The following FBXL17 variants were observed in gnomAD, a reference collection of about 807,000 sequenced individuals.
The protein encoded by FBXL17 is F-box/LRR-repeat protein 17.
A neutral mutation model predicts 66.2 loss-of-function variants in FBXL17; 22 were observed. That is an observed-to-expected ratio of 0.33 (90% confidence interval 0.24 to 0.47). The LOEUF is 0.47. Among genes scored for constraint, FBXL17 ranks in the 20% least tolerant of loss-of-function variants. The probability of loss-of-function intolerance (pLI) is 1.00; values close to 1 mark genes in which losing one functional copy is unlikely to be tolerated. For missense variants in FBXL17, 878 were observed against 948.2 expected, an observed-to-expected ratio of 0.93 and a Z score of 0.97; for synonymous variants, 474 against 400.5, an observed-to-expected ratio of 1.18 and a Z score of -2.19.
chr5:108,191,321 T>C (rs1328523399), intron 5 of FBXL17, among the ~76,000 whole-genome samples: 1 of 152,214 alleles, frequency 6.6e-6, no homozygotes, highest in African/African-American at 2.4e-5. Context: ...TTGCCTTCCT[T>C]CATTGTAATG....
At chr5:108,342,060 G>A (rs115840709) in intron 4 of FBXL17, among the ~76,000 whole-genome samples, 1,601 of 152,072 alleles carry the variant, frequency 0.011, 41 homozygotes, top group African/African-American at 0.036. Context: ...TTAATTCTTC[G>A]ACACCTCTCA....
intron 6 of FBXL17, among the ~76,000 whole-genome samples, chr5:108,096,182 G>A (rs1372762048): frequency 2.6e-5 from 4 of 152,210 alleles, no homozygotes; most frequent in Admixed American, 2.0e-4. Flanking sequence ...CTTTGCATAT[G>A]TACTGAAGTG....
chr5:108,016,940 C>T (rs944684044), intron 7 of FBXL17, among the ~76,000 whole-genome samples: 1 of 151,930 alleles, frequency 6.6e-6, no homozygotes, highest in Non-Finnish European at 1.5e-5. Context: ...TCACCACGCT[C>T]AGCTAATTTT....
intron 7 of FBXL17, among the ~76,000 whole-genome samples, chr5:107,931,524 A>G (rs1405299500): frequency 6.6e-6 from 1 of 151,560 alleles, no homozygotes; most frequent in Non-Finnish European, 1.5e-5. Flanking sequence ...GCCTCCTCCC[A>G]AAGTGCTGGG....
intron 7 of FBXL17, among the ~76,000 whole-genome samples, chr5:107,956,427 A>G (rs991965820): frequency 1.3e-5 from 2 of 152,116 alleles, no homozygotes; most frequent in Non-Finnish European, 2.9e-5. Context: ...GGTAACATGG[A>G]GCTTGCTTTC....
intron 3 of FBXL17, among the ~76,000 whole-genome samples, chr5:108,357,486 T>C (rs1219452693): frequency 5.3e-5 from 8 of 152,016 alleles, no homozygotes; most frequent in Non-Finnish European, 1.2e-4. Context: ...ATTGACTGGA[T>C]ATAATGGACA....
At chr5:108,050,025 CAAG>C (rs151053699) in intron 6 of FBXL17, among the ~76,000 whole-genome samples, 49,074 of 151,794 alleles carry the variant, frequency 0.32, 9,340 homozygotes, top group Admixed American at 0.43. Flanking sequence ...ATCAATTCAA[CAAG>C]AAGAGCTAAC....
At chr5:107,876,134 G>A (rs1748607964) in intron 8 of FBXL17, among the ~76,000 whole-genome samples, 1 of 152,252 alleles carries the variant, frequency 6.6e-6, no homozygotes, top group African/African-American at 2.4e-5. Flanking sequence ...CCTCCCAGGA[G>A]AAGGGTAGCC....
At chr5:108,092,595 G>A (rs1375333094) in intron 6 of FBXL17, among the ~76,000 whole-genome samples, 3 of 152,186 alleles carry the variant, frequency 2.0e-5, no homozygotes, top group Non-Finnish European at 4.4e-5. Flanking sequence ...GATTACAGAC[G>A]TTGAGCCACT....
chr5:108,116,443 TCCTGG>T (rs1354798016), intron 6 of FBXL17, among the ~76,000 whole-genome samples: 1 of 150,136 alleles, frequency 6.7e-6, no homozygotes, highest in African/African-American at 2.5e-5. Flanking sequence ...ATCGAGACTG[TCCTGG>T]CCAACATGGT....
At chr5:108,054,602 C>A (rs288147) in intron 6 of FBXL17, among the ~76,000 whole-genome samples, 29,249 of 152,142 alleles carry the variant, frequency 0.19, 3,292 homozygotes, top group South Asian at 0.47. Context: ...TCAGCCTTTG[C>A]TGAATGGGTT....
chr5:107,985,808 TAA>T (rs1752991678), intron 7 of FBXL17, among the ~76,000 whole-genome samples: 1 of 152,290 alleles, frequency 6.6e-6, no homozygotes, highest in East Asian at 1.9e-4. Context: ...TAATTTTAAA[TAA>T]GTCATAATCT....
intron 7 of FBXL17, among the ~76,000 whole-genome samples, chr5:108,007,899 C>T (rs930331075): frequency 9.9e-5 from 15 of 152,102 alleles, no homozygotes; most frequent in Non-Finnish European, 1.8e-4. Context: ...TCCTCCAGCT[C>T]TAGAATCAGC....
At chr5:108,168,206 G>A (rs1366297938) in intron 6 of FBXL17, among the ~76,000 whole-genome samples, 1 of 152,124 alleles carries the variant, frequency 6.6e-6, no homozygotes, top group Non-Finnish European at 1.5e-5. Flanking sequence ...TTCCCACTTT[G>A]CAGTCTTTGA....
chr5:108,034,894 G>A (rs920312129), intron 6 of FBXL17, among the ~76,000 whole-genome samples: 1 of 151,970 alleles, frequency 6.6e-6, no homozygotes, highest in Non-Finnish European at 1.5e-5. Flanking sequence ...CAACCTCAAG[G>A]TTTTCATTTA....
intron 7 of FBXL17, among the ~76,000 whole-genome samples, chr5:107,965,081 G>GA (rs2112636132): frequency 6.6e-6 from 1 of 152,204 alleles, no homozygotes; most frequent in African/African-American, 2.4e-5. Context: ...TTGCTTATTA[G>GA]AAATCTGGCT....
At chr5:108,157,408 G>T (rs1007916910) in intron 6 of FBXL17, among the ~76,000 whole-genome samples, 2 of 151,672 alleles carry the variant, frequency 1.3e-5, no homozygotes, top group Admixed American at 6.6e-5. Flanking sequence ...ATCTAGTCAT[G>T]AAAACATGTC....
At chr5:108,074,952 G>A (rs10071475) in intron 6 of FBXL17, among the ~76,000 whole-genome samples, 51,493 of 152,048 alleles carry the variant, frequency 0.34, 8,979 homozygotes, top group Admixed American at 0.42. Context: ...TAAACACTTA[G>A]AGAAATGTCT....
chr5:108,025,147 G>C (rs1322862861), intron 6 of FBXL17, among the ~76,000 whole-genome samples: 3 of 152,096 alleles, frequency 2.0e-5, no homozygotes, highest in South Asian at 2.1e-4. Context: ...TGCAATAGGA[G>C]TGTCCTAGGA....
Sources: gnomAD v4.1 joint callset for allele counts (sites outside exome capture counted in the v4.1 genomes callset) on GRCh38, gnomAD v4.1.1 for gene constraint, MANE v1.5 for transcripts, NCBI Gene and HGNC (gene_info 2026-07-23, HGNC 2026-07-21) for gene names.